TECPR1: variants seen among roughly 807,000 people sequenced by gnomAD.
The protein encoded by TECPR1 is tectonin beta-propeller repeat-containing protein 1.
In TECPR1, 122 loss-of-function variants were observed where a neutral mutation model predicts 162.4. That is an observed-to-expected ratio of 0.75 (90% CI 0.65 to 0.87). The LOEUF (loss-of-function observed/expected upper bound fraction) is 0.87. Among genes scored for constraint, TECPR1 ranks in the 40% least tolerant of loss-of-function variants. The pLI, the probability that TECPR1 is intolerant of heterozygous loss-of-function variation, is 0.00. For synonymous variants in TECPR1, 642 were observed against 670.6 expected (o/e 0.96, Z 0.66); for missense variants, 1,432 against 1,618.2 (o/e 0.88, Z 1.97).
rs770442834 is a variant in TECPR1, at chr7:98,233,441, C to G, written c.1652G>C (p.Arg551Thr). The G allele has an allele frequency of 6.8e-7, 1 of 1,460,646 alleles. No homozygotes were observed. Among genetic ancestry groups the G allele is most frequent in the Middle Eastern group, 1.9e-4 (1 of 5,376 alleles). 90.5% of individuals were successfully genotyped at this position (1,460,646 alleles called of 1,614,324 possible). The change falls in exon 11 of 26, where the codon AGA (arginine) becomes ACA (threonine). Residue 551 changes from arginine (R) to threonine (T), a missense_variant. Transcript: ENST00000447648. ...CTTACCCGCCTGGACAGTGAACCAT[C>G]TGGGCATGGCACATGCCTCCACCAC... is the stretch of plus-strand genomic sequence containing the variant. Reference protein sequence around the residue: ...GCVVEACAMPRWFTVQAGLSS... With the variant: ...GCVVEACAMPTWFTVQAGLSS...
At chr7:98,248,062 C>T (rs1434059698) in intron 2 of TECPR1, among the ~76,000 whole-genome samples, 1 of 152,184 alleles carries the variant, frequency 6.6e-6, no homozygotes, top group African/African-American at 2.4e-5. Flanking sequence ...GTAGGCATAG[C>T]CAAGGCTATT....
At chr7:98,244,489 G>T in intron 5 of TECPR1, 82 bp downstream of exon 5, 2 of 1,519,230 alleles carry the variant, frequency 1.3e-6, no homozygotes, top group South Asian at 1.3e-5. Context: ...GTGCACACAG[G>T]TGGGGAAGGT....
At chr7:98,226,438 C>G in intron 17 of TECPR1, 1 of 985,444 alleles carries the variant, frequency 1.0e-6, no homozygotes, top group South Asian at 4.7e-5. Flanking sequence ...TGGGTCCACT[C>G]TGGGTACAGA....
rs138240695 is a variant in TECPR1, at chr7:98,227,981, G to A, written c.2513+33C>T. On this transcript the variant is annotated intron_variant, in intron 17 of 25. Transcript: ENST00000447648. The stretch of plus-strand genomic sequence containing the variant: ...TTGCCAGGACTAAGGCCTATGCCAG[G>A]CAGCATCCTGGCCGGGCACCTGTGC... 613 of 1,574,424 alleles carry A rather than the reference G, an allele frequency of 3.9e-4. 6 individuals are homozygous for A. The East Asian group carries it at 0.012, about 31-fold the overall frequency.
At chr7:98,238,479 T>C (rs1429986635) in intron 9 of TECPR1, 30 bp downstream of exon 9, 2 of 1,537,826 alleles carry the variant, frequency 1.3e-6, no homozygotes, top group South Asian at 2.4e-5. Context: ...AGACCCCTGC[T>C]GTTTAGGGGC....
Position 98,243,519 on chromosome 7 carries a change from G to C in TECPR1, c.605C>G (p.Thr202Arg). Reference sequence around the variant, plus strand: ...TGACAGGCGGCCCACAGGCTCCTCCGTGATCTCCCAGCCCCCTACAGAGAG... The same window carrying C: ...TGACAGGCGGCCCACAGGCTCCTCCCTGATCTCCCAGCCCCCTACAGAGAG... ...NDLSVGGWEITEEPVGRLSVW... is the reference protein window; with the variant it reads ...NDLSVGGWEIREEPVGRLSVW... Residue 202 changes from threonine to arginine, a missense_variant, in exon 6 of 26, where the codon ACG (threonine) becomes AGG (arginine). Coordinates refer to ENST00000447648, the MANE Select transcript of TECPR1 (RefSeq NM_015395.3). The C allele has an allele frequency of 1.2e-6, 2 of 1,612,638 alleles. No individual in the cohort carries two copies. Among genetic ancestry groups the C allele is most frequent in the Non-Finnish European group, 1.7e-6 (2 of 1,179,820 alleles).
At chr7:98,238,470 G>C (rs751381415) in intron 9 of TECPR1, 39 bp downstream of exon 9, 1 of 1,517,674 alleles carries the variant, frequency 6.6e-7, no homozygotes, top group Middle Eastern at 2.2e-4. Flanking sequence ...CCCATTCTGA[G>C]ACCCCTGCTG....
chr7:98,222,662 G>T, intron 21 of TECPR1, 141 bp from the exon 22 acceptor site: 2 of 1,064,800 alleles, frequency 1.9e-6, no homozygotes, highest in Non-Finnish European at 2.6e-6. Context: ...GCCCCACCCG[G>T]CCTGATCTCG....
chr7:98,231,476 C>A (rs897999909), intron 13 of TECPR1, 103 bp from the exon 14 acceptor site: 1 of 1,290,778 alleles, frequency 7.7e-7, no homozygotes, highest in African/African-American at 1.5e-5. Context: ...CCCTCGGACA[C>A]CCTCTCTCCT....
In TECPR1 at chr7:98,232,289, G is replaced by A. The variant is rs368202457; in HGVS notation, c.1819-330C>T. 6.6e-6 allele frequency among the ~76,000 whole-genome samples: 1 copy of A among 152,066 alleles called. No individual in the cohort carries two copies. Among genetic ancestry groups the A allele is most frequent in the Non-Finnish European group, 1.5e-5 (1 of 68,002 alleles). ...TGTCACAGAGTGAGCCAGCGGCAGA[G>A]CTAGAACCCAAACCACAGCCTACTT... On this transcript the variant is annotated intron_variant, in intron 12 of 25. Transcript: ENST00000447648. The surrounding 1 kb of genome is among the most constrained non-coding windows in gnomAD (Gnocchi z 4.6).
At chr7:98,220,281 T>C (rs1188632971) in intron 23 of TECPR1, among the ~76,000 whole-genome samples, 1 of 150,988 alleles carries the variant, frequency 6.6e-6, no homozygotes, top group Non-Finnish European at 1.5e-5. Context: ...GAGGCGGAGG[T>C]TGCAGTAAGC....
Position 98,217,818 on chromosome 7 carries a change from C to A in TECPR1, c.3265-7G>T. On this transcript the variant is annotated splice_polypyrimidine_tract_variant and splice_region_variant and intron_variant, in intron 24 of 25. Coordinates refer to ENST00000447648, the MANE Select transcript of TECPR1 (RefSeq NM_015395.3). ...TGTTGGCGATCACCCAGACCTGGAG[C>A]ACAGACCCCATGAAGCCCTCAGCCC... is the stretch of plus-strand genomic sequence containing the variant. The A allele has an allele frequency of 6.5e-7, 1 of 1,548,954 alleles. No homozygotes were observed. Among genetic ancestry groups the A allele is most frequent in the Non-Finnish European group, 8.7e-7 (1 of 1,145,638 alleles).
At chr7:98,218,147 T>G (rs56009323) in intron 23 of TECPR1, 105 bp from the exon 24 acceptor site, 158,756 of 886,422 alleles carry the variant, frequency 0.18, 15,833 homozygotes, top group Admixed American at 0.3. Context: ...CACTTCGGGG[T>G]TTGGGAAGCT....
intron 10 of TECPR1, among the ~76,000 whole-genome samples, chr7:98,235,833 A>C (rs79592054): frequency 2.2e-4 from 4 of 18,602 alleles, no homozygotes; most frequent in South Asian, 3.4e-3. Flanking sequence ...GTCTCAAAAA[A>C]AAAAAAAAAA....
At chr7:98,235,849 A>AAAAAAAAAACAC in intron 10 of TECPR1, among the ~76,000 whole-genome samples, 8 of 110,256 alleles carry the variant, frequency 7.3e-5, no homozygotes, top group African/African-American at 2.5e-4. Flanking sequence ...AAAAAAAAAA[A>AAAAAAAAAACAC]AACACCATCT....
rs534219425 is a variant in TECPR1 at position 98,229,064 on chromosome 7, G to A, written c.2385C>T (p.Gly795=). ...CTTGGAAGCAGCCGCCTCCATAGCCGCCTGTGTATACCCAGGCCGTGTGGT... is the reference window on the plus strand; with the variant it reads ...CTTGGAAGCAGCCGCCTCCATAGCCACCTGTGTATACCCAGGCCGTGTGGT... The part of the protein sequence containing the change: ...GYDHTAWVYT[G]GYGGGCFQGL... Residue 795 remains glycine (G), a synonymous_variant, in exon 16 of 26, where the codon GGC becomes GGT. Coordinates refer to ENST00000447648, the MANE Select transcript of TECPR1 (RefSeq NM_015395.3). The A allele has an allele frequency of 1.4e-4, 228 of 1,595,744 alleles. 3 individuals carry two copies. In the East Asian group the frequency reaches 3.5e-3, roughly 24 times the overall value.
intron 8 of TECPR1, among the ~76,000 whole-genome samples, 169 bp downstream of exon 8, chr7:98,240,682 T>A (rs1344020308): frequency 6.6e-6 from 1 of 152,036 alleles, no homozygotes; most frequent in Admixed American, 6.6e-5. Context: ...CCCGATGTGC[T>A]GGGATTACAG....
chr7:98,225,006 C>G lies in TECPR1; in HGVS notation c.2610G>C (p.Trp870Cys). Residue 870 changes from tryptophan (W) to cysteine (C), a missense_variant and splice_region_variant, in exon 18 of 26, where the codon TGG (tryptophan) becomes TGC (cysteine). Trp to Cys is a radical substitution (Grantham distance 215). Coordinates refer to ENST00000447648, the MANE Select transcript of TECPR1 (RefSeq NM_015395.3). ...CCCCCAGGGGGCAGCGGGACCTCAC[C>G]CAGGCCCACTGCAGGGACGGGGGCT... ...GTKPPSLQWA[W>C]VSDWFVDFSV... 1 of 1,547,660 alleles carries G rather than the reference C, an allele frequency of 6.5e-7. No homozygotes were observed. The highest frequency in any genetic ancestry group is 2.4e-5 in the East Asian group (1 of 41,072).
chr7:98,246,223 C>A, intron 2 of TECPR1, 58 bp from the exon 3 acceptor site: 3 of 1,048,754 alleles, frequency 2.9e-6, no homozygotes, highest in Non-Finnish European at 4.1e-6. Context: ...ACATCAGAGT[C>A]ATGTGAAACC....
Sources: gnomAD v4.1 joint callset for allele counts (sites outside exome capture counted in the v4.1 genomes callset) on GRCh38, gnomAD v4.1.1 for gene constraint, Gnocchi (gnomAD v3.1) non-coding constraint, MANE v1.5 for transcripts, NCBI Gene and HGNC (gene_info 2026-07-23, HGNC 2026-07-21) for gene names.